Variants in SUPV3L1 observed in about 807,000 individuals in gnomAD.
SUPV3L1 encodes Suv3 like RNA helicase, also known as ATP-dependent RNA helicase SUPV3L1, mitochondrial.
In SUPV3L1, 35 loss-of-function variants were observed where a neutral mutation model predicts 70.0. That is an observed-to-expected ratio of 0.50 (90% confidence interval 0.38 to 0.66). The LOEUF (loss-of-function observed/expected upper bound fraction) is 0.66, where lower values mean the gene tolerates loss of function less well. SUPV3L1 is among the 30% of genes least tolerant of loss of function. The pLI is 0.00. For synonymous variants in SUPV3L1, 364 were observed against 341.9 expected, an observed-to-expected ratio of 1.06 and a Z score of -0.71; for missense variants, 777 against 961.5, an observed-to-expected ratio of 0.81 and a Z score of 2.54.
chr10:69,184,547 G>A (rs1842162216), intron 1 of SUPV3L1, among the ~76,000 whole-genome samples: 1 of 151,462 alleles, frequency 6.6e-6, no homozygotes, highest in African/African-American at 2.4e-5. Flanking sequence ...AAGAAAAAAA[G>A]AAACTGTTGT....
Position 69,191,729 on chromosome 10 carries a change from T to C in SUPV3L1, c.816T>C (p.Val272=). 6.2e-7 allele frequency: 1 copy of C among 1,614,118 alleles called. No individual in the cohort carries two copies. The highest frequency in any genetic ancestry group is 8.5e-7 in the Non-Finnish European group (1 of 1,179,994). The part of the protein sequence containing the change: ...VQPNGKQASH[V]SCTVEMCSVT... ...CAAATGGGAAACAGGCTTCACATGT[T>C]TCTTGTACAGTTGAGATGTGCAGTG... The change falls in exon 6 of 15, where the codon GTT becomes GTC. Residue 272 remains valine, a synonymous_variant. Transcript: ENST00000359655.
intron 10 of SUPV3L1, among the ~76,000 whole-genome samples, chr10:69,199,758 A>C (rs1035054401): frequency 5.3e-5 from 8 of 152,120 alleles, no homozygotes; most frequent in Non-Finnish European, 1.2e-4. Context: ...TCAGTTTCTC[A>C]GTCAGGTGTC....
At chr10:69,194,786 A>C (rs1288795144) in intron 6 of SUPV3L1, among the ~76,000 whole-genome samples, 5 of 152,026 alleles carry the variant, frequency 3.3e-5, no homozygotes, top group Admixed American at 3.3e-4. Context: ...GATCACTTTC[A>C]ACCCAGGAGT....
At chr10:69,193,637 C>T (rs1001226952) in intron 6 of SUPV3L1, among the ~76,000 whole-genome samples, 3 of 151,952 alleles carry the variant, frequency 2.0e-5, no homozygotes, top group Admixed American at 6.6e-5. Flanking sequence ...CTCGAACTCC[C>T]GGGCTCAAGC....
intron 4 of SUPV3L1, 99 bp downstream of exon 4, chr10:69,187,855 A>G (rs1842274632): frequency 1.3e-6 from 1 of 769,036 alleles, no homozygotes; most frequent in Non-Finnish European, 2.0e-6. Context: ...AACAAATTAT[A>G]AGGAGTCTGG....
chr10:69,194,998 A>G (rs1434312281), intron 6 of SUPV3L1, among the ~76,000 whole-genome samples, 190 bp from the exon 7 acceptor site: 1 of 152,130 alleles, frequency 6.6e-6, no homozygotes, highest in Non-Finnish European at 1.5e-5. Flanking sequence ...AACCTCATAG[A>G]TTTGTTGTGA....
chr10:69,184,421 G>C (rs1471347547), intron 1 of SUPV3L1, among the ~76,000 whole-genome samples: 1 of 152,172 alleles, frequency 6.6e-6, no homozygotes, highest in African/African-American at 2.4e-5. Context: ...TGTAATCCCA[G>C]CTACTTGGGA....
intron 1 of SUPV3L1, among the ~76,000 whole-genome samples, chr10:69,184,869 G>A (rs572113424): frequency 6.6e-6 from 1 of 152,170 alleles, no homozygotes; most frequent in Non-Finnish European, 1.5e-5. Context: ...ATGGGTAAAG[G>A]CTGTGTCCTC....
chr10:69,205,616 C>T (rs1176320259), intron 13 of SUPV3L1, among the ~76,000 whole-genome samples: 2 of 152,224 alleles, frequency 1.3e-5, no homozygotes, highest in Admixed American at 6.5e-5. Context: ...TCACTGCAAC[C>T]TCCGCCTCCC....
intron 10 of SUPV3L1, among the ~76,000 whole-genome samples, chr10:69,199,503 T>A (rs927935095): frequency 2.6e-5 from 4 of 152,038 alleles, no homozygotes; most frequent in African/African-American, 9.7e-5. Flanking sequence ...TGCCTCAGCC[T>A]CCAGAGTAGC....
At chr10:69,187,365 T>TTTTTTTTTTTTA (rs1235816061) in intron 3 of SUPV3L1, 2 of 153,784 alleles carry the variant, frequency 1.3e-5, no homozygotes, top group Non-Finnish European at 2.7e-5. Flanking sequence ...TTTTTTTTTT[T>TTTTTTTTTTTTA]TGTGACACGG....
chr10:69,182,274 CCTG>C (rs1335055084), intron 1 of SUPV3L1, among the ~76,000 whole-genome samples: 7 of 152,132 alleles, frequency 4.6e-5, no homozygotes, highest in South Asian at 4.1e-4. Context: ...AGATTACAGA[CCTG>C]AGCCACTGCA....
Position 69,186,536 on chromosome 10 carries a change from T to A in SUPV3L1, c.443T>A (p.Ile148Asn). ...DVDIHIVLND[I>N]CFGAAHADDL... ...GACATTCACATTGTTTTGAATGATA[T>A]TTGCTTCGGTGCAGGCAAGTGTTTA... is the stretch of plus-strand genomic sequence containing the variant. Residue 148 changes from isoleucine to asparagine, a missense_variant, in exon 3 of 15, where the codon ATT becomes AAT. Coordinates refer to ENST00000359655, the MANE Select transcript of SUPV3L1 (RefSeq NM_003171.5). The A allele has an allele frequency of 6.2e-7, 1 of 1,613,478 alleles. No individual in the cohort carries two copies. The highest frequency in any genetic ancestry group is 8.5e-7 in the Non-Finnish European group (1 of 1,179,488).
intron 1 of SUPV3L1, 104 bp downstream of exon 1, chr10:69,180,666 C>G: frequency 2.4e-5 from 36 of 1,471,542 alleles, no homozygotes; most frequent in Non-Finnish European, 3.3e-5. Flanking sequence ...GAGGTCCCAT[C>G]GAGTGTTGTC....
chr10:69,197,226 A>G lies in SUPV3L1; in HGVS notation c.1023+143A>G, dbSNP rs1179380930. 5 of 656,112 alleles carry G rather than the reference A, an allele frequency of 7.6e-6. No homozygotes were observed. In the East Asian group the frequency reaches 8.2e-5, roughly 11 times the overall value. 40.6% of individuals were successfully genotyped at this position (656,112 alleles called of 1,614,324 possible). ...TCATTTTCTTGTGATCAACTAGACC[A>G]TATATATTTGATTGAACCTCATGAT... On this transcript the variant is annotated intron_variant, in intron 8 of 14. Coordinates refer to ENST00000359655, the MANE Select transcript of SUPV3L1 (RefSeq NM_003171.5).
At chr10:69,193,990 C>G (rs1304112457) in intron 6 of SUPV3L1, among the ~76,000 whole-genome samples, 6 of 152,184 alleles carry the variant, frequency 3.9e-5, no homozygotes, top group Non-Finnish European at 2.9e-5. Context: ...TTCCACTTCA[C>G]TTTCTGCTCC....
intron 13 of SUPV3L1, among the ~76,000 whole-genome samples, chr10:69,203,351 T>C (rs1842734824): frequency 6.6e-6 from 1 of 152,100 alleles, no homozygotes; most frequent in Non-Finnish European, 1.5e-5. Context: ...GGAAGGACAG[T>C]GGACTATGGA....
At chr10:69,183,307 A>C (rs1483811450) in intron 1 of SUPV3L1, among the ~76,000 whole-genome samples, 1 of 152,202 alleles carries the variant, frequency 6.6e-6, no homozygotes, top group Non-Finnish European at 1.5e-5. Context: ...ACTGGACTGC[A>C]CATATAGCCC....
rs766731037 is a variant in SUPV3L1, at chr10:69,180,476, C to T, written c.185C>T (p.Ser62Phe). The change falls in exon 1 of 15, where the codon TCC becomes TTC. Residue 62 changes from serine to phenylalanine, a missense_variant. Ser to Phe is a radical substitution (Grantham distance 155, BLOSUM62 -2). Around this residue, in one of 2 missense-constraint regions of SUPV3L1, gnomAD observed 158 missense variants for 138.3 expected, o/e 1.14. Coordinates refer to ENST00000359655, the MANE Select transcript of SUPV3L1 (RefSeq NM_003171.5). ...GGTGGCTCCAAAATACCAAACACGTCCTTGTTCGTGCCCCTGACTGTGAAA... is the reference window on the plus strand; with the variant it reads ...GGTGGCTCCAAAATACCAAACACGTTCTTGTTCGTGCCCCTGACTGTGAAA... ...ASGGSKIPNT[S>F]LFVPLTVKPQ... 2.5e-6 allele frequency: 4 copies of T among 1,614,248 alleles called. No homozygotes were observed. The highest frequency in any genetic ancestry group is 3.4e-6 in the Non-Finnish European group (4 of 1,180,042).
Sources: allele counts gnomAD v4.1 joint callset (sites outside exome capture counted in the v4.1 genomes callset), GRCh38; gene constraint gnomAD v4.1.1; regional missense constraint gnomAD v4.1.1; transcripts MANE v1.5; gene names NCBI Gene and HGNC (gene_info 2026-07-23, HGNC 2026-07-21).